The following CCDC60 variants were observed in gnomAD, a reference collection of about 807,000 sequenced individuals.
CCDC60 encodes coiled-coil domain-containing protein 60.
In CCDC60, 54 loss-of-function variants were observed where a neutral mutation model predicts 63.5. That is an observed-to-expected ratio of 0.85 (90% confidence interval 0.68 to 1.07). CCDC60 has a LOEUF of 1.07. Among genes scored for constraint, CCDC60 ranks in the 50% least tolerant of loss-of-function variants. CCDC60 has a pLI of 0.00. For synonymous variants in CCDC60, 206 were observed against 238.8 expected, an observed-to-expected ratio of 0.86 and a Z score of 1.27; for missense variants, 651 against 684.3, an observed-to-expected ratio of 0.95 and a Z score of 0.54.
chr12:119,517,164 T>TA (rs1952376156), intron 8 of CCDC60, among the ~76,000 whole-genome samples: 1 of 151,996 alleles, frequency 6.6e-6, no homozygotes, highest in Non-Finnish European at 1.5e-5. Flanking sequence ...ATTTTTTTTT[T>TA]ATTATTATTT....
intron 1 of CCDC60, among the ~76,000 whole-genome samples, chr12:119,425,367 G>T (rs576036072): frequency 6.6e-6 from 1 of 152,086 alleles, no homozygotes; most frequent in Admixed American, 6.6e-5. Context: ...CCAGAATGGG[G>T]GTCATCTGAT....
intron 1 of CCDC60, among the ~76,000 whole-genome samples, chr12:119,370,891 G>T (rs538076117): frequency 2.6e-5 from 4 of 152,134 alleles, no homozygotes; most frequent in African/African-American, 7.2e-5. Flanking sequence ...ACTTAGCCAG[G>T]TATAGTGGCA....
chr12:119,350,778 A>C (rs2136153147), intron 1 of CCDC60, among the ~76,000 whole-genome samples: 1 of 152,258 alleles, frequency 6.6e-6, no homozygotes, highest in South Asian at 2.1e-4. Flanking sequence ...CTAGTTTTTC[A>C]GAAGTCCACC....
At chr12:119,485,230 CACAGGGCCAGTAG>C (rs2136364042) in intron 4 of CCDC60, among the ~76,000 whole-genome samples, 1 of 152,330 alleles carries the variant, frequency 6.6e-6, no homozygotes, top group South Asian at 2.1e-4. Flanking sequence ...TGGCCAAGGC[CACAGGGCCAGTAG>C]ATGGCAAAGC....
At chr12:119,502,485 A>C (rs1951879463) in intron 6 of CCDC60, among the ~76,000 whole-genome samples, 1 of 152,210 alleles carries the variant, frequency 6.6e-6, no homozygotes, top group Non-Finnish European at 1.5e-5. Flanking sequence ...GCATTTAGGG[A>C]TTTAAGTCAA....
At chr12:119,471,774 T>C (rs936368181) in intron 2 of CCDC60, among the ~76,000 whole-genome samples, 12 of 152,166 alleles carry the variant, frequency 7.9e-5, no homozygotes, top group Admixed American at 7.2e-4. Flanking sequence ...TTTAAATTTG[T>C]GTCTCCCTCT....
intron 1 of CCDC60, among the ~76,000 whole-genome samples, chr12:119,389,491 G>A (rs1367102079): frequency 6.6e-6 from 1 of 152,054 alleles, no homozygotes; most frequent in African/African-American, 2.4e-5. Context: ...TGCCAGCAGG[G>A]TTGAGCCCCA....
rs373132566 is a variant in CCDC60 at position 119,419,589 on chromosome 12, T to C, written c.91-9094T>C. Among the ~76,000 whole-genome samples the C allele has an allele frequency of 2.6e-5, 4 of 152,200 alleles. No homozygotes were observed. In the South Asian group the frequency reaches 8.3e-4, roughly 32 times the overall value. On this transcript the variant is annotated intron_variant, in intron 1 of 13. Transcript: ENST00000327554. Reference sequence around the variant, plus strand: ...CCTGTGGGGTTAAACCTTGAGACTGTGATGCATTCATCTTCTCATTCATTC... The same window carrying C: ...CCTGTGGGGTTAAACCTTGAGACTGCGATGCATTCATCTTCTCATTCATTC...
intron 1 of CCDC60, among the ~76,000 whole-genome samples, chr12:119,380,824 C>T (rs1195813441): frequency 6.6e-6 from 1 of 152,140 alleles, no homozygotes. Context: ...AATTGAATAG[C>T]TTCTTTTGTT....
At chr12:119,480,293 A>G (rs142424266) in intron 4 of CCDC60, among the ~76,000 whole-genome samples, 1 of 151,908 alleles carries the variant, frequency 6.6e-6, no homozygotes, top group African/African-American at 2.4e-5. Context: ...ACATAAACTC[A>G]CCTATTCAGG....
At chr12:119,540,259 A>G (rs1953120768) in intron 13 of CCDC60, among the ~76,000 whole-genome samples, 1 of 152,224 alleles carries the variant, frequency 6.6e-6, no homozygotes, top group Non-Finnish European at 1.5e-5. Context: ...CAATTCTGAA[A>G]CGGATTTACA....
At chr12:119,351,597 CA>C (rs1446418405) in intron 1 of CCDC60, among the ~76,000 whole-genome samples, 1 of 152,182 alleles carries the variant, frequency 6.6e-6, no homozygotes, top group Non-Finnish European at 1.5e-5. Context: ...GACTTTTAAA[CA>C]ACCAGATCTT....
chr12:119,540,451 A>C (rs2063838886), intron 13 of CCDC60, among the ~76,000 whole-genome samples, 163 bp from the exon 14 acceptor site: 1 of 152,170 alleles, frequency 6.6e-6, no homozygotes, highest in African/African-American at 2.4e-5. Context: ...TCTTCACCAA[A>C]GGACCACCCC....
chr12:119,527,037 G>A (rs1952696292), intron 11 of CCDC60, among the ~76,000 whole-genome samples: 2 of 152,060 alleles, frequency 1.3e-5, no homozygotes, highest in African/African-American at 4.8e-5. Context: ...ATGACAGACT[G>A]GATAAAAAAT....
At chr12:119,423,166 G>A (rs796673581) in intron 1 of CCDC60, among the ~76,000 whole-genome samples, 6 of 152,214 alleles carry the variant, frequency 3.9e-5, no homozygotes, top group Admixed American at 6.5e-5. Flanking sequence ...CCCTAGAATC[G>A]TGATTTATGA....
rs776304268 is a variant in CCDC60 at position 119,520,181 on chromosome 12, T to C, written c.1029T>C (p.Thr343=). ...CTGCTTATAAGGAAATGCAGACCAC[T>C]CTCAAATCAAGGTAGGAAAGCCTGG... ...SNSAYKEMQT[T]LKSSERSSST... is the part of the protein sequence containing the mutation. Residue 343 remains threonine, a synonymous_variant, in exon 9 of 14, where the codon ACT becomes ACC. Coordinates refer to ENST00000327554, the MANE Select transcript of CCDC60 (RefSeq NM_178499.5). 1.2e-6 allele frequency: 2 copies of C among 1,613,494 alleles called. No homozygotes were observed. Among genetic ancestry groups the C allele is most frequent in the South Asian group, 1.1e-5 (1 of 90,974 alleles).
intron 7 of CCDC60, among the ~76,000 whole-genome samples, chr12:119,510,409 C>T (rs141756429): frequency 6.6e-4 from 101 of 152,264 alleles, no homozygotes; most frequent in African/African-American, 2.2e-3. Flanking sequence ...TCCTGCTGAA[C>T]CTTCAAGACC....
At chr12:119,481,331 A>G (rs1250356167) in intron 4 of CCDC60, among the ~76,000 whole-genome samples, 4 of 152,104 alleles carry the variant, frequency 2.6e-5, no homozygotes, top group African/African-American at 9.7e-5. Flanking sequence ...CATCTCTCCC[A>G]TGGACAAGAC....
At chr12:119,402,435 T>C (rs1282870896) in intron 1 of CCDC60, 2 of 152,176 alleles carry the variant, frequency 1.3e-5, no homozygotes, top group South Asian at 2.1e-4. Flanking sequence ...GCACATCTGT[T>C]GGTGAAGCAG....
Sources: gnomAD v4.1 joint callset for allele counts (sites outside exome capture counted in the v4.1 genomes callset) on GRCh38, gnomAD v4.1.1 for gene constraint, MANE v1.5 for transcripts, NCBI Gene and HGNC (gene_info 2026-07-23, HGNC 2026-07-21) for gene names.